The following PPP4R4 variants were observed in gnomAD, a reference collection of about 807,000 sequenced individuals.
The protein encoded by PPP4R4 is serine/threonine-protein phosphatase 4 regulatory subunit 4.
Under a neutral mutation model 121.8 loss-of-function variants are expected in PPP4R4, and 70 were observed. The observed-to-expected ratio is 0.57, with a 90% CI of 0.47 to 0.70. PPP4R4 has a LOEUF of 0.70. Ranked by LOEUF, PPP4R4 falls within the 30% of genes least tolerant of loss-of-function variation. The pLI is 0.00. For missense variants in PPP4R4, 875 were observed against 1,033.6 expected, an observed-to-expected ratio of 0.85 and a Z score of 2.10; for synonymous variants, 348 against 355.7, an observed-to-expected ratio of 0.98 and a Z score of 0.24.
chr14:94,222,575 C>CTTT (rs71129676), intron 3 of PPP4R4, among the ~76,000 whole-genome samples: 1 of 145,434 alleles, frequency 6.9e-6, no homozygotes, highest in Non-Finnish European at 1.5e-5. Context: ...CATTTGGAAT[C>CTTT]TTTTTTTTTT....
At chr14:94,242,160 A>C in intron 10 of PPP4R4, 129 bp from the exon 11 acceptor site, 4 of 1,295,974 alleles carry the variant, frequency 3.1e-6, no homozygotes, top group Non-Finnish European at 4.3e-6. Flanking sequence ...GGATCTTCCA[A>C]ATATGATTTT....
chr14:94,256,492 A>G lies in PPP4R4; in HGVS notation c.1898A>G (p.Lys633Arg). 1.2e-6 allele frequency: 2 copies of G among 1,603,224 alleles called. No individual in the cohort carries two copies. Among genetic ancestry groups the G allele is most frequent in the Non-Finnish European group, 1.7e-6 (2 of 1,171,492 alleles). ...MKLCYLLPKV[K>R]STLKIPADKH... The stretch of plus-strand genomic sequence containing the variant: ...CTTTGCTACCTGTTGCCCAAAGTGA[A>G]ATCTACTCTGAAGATTCCTGCTGAT... Residue 633 changes from lysine (K) to arginine (R), a missense_variant, in exon 17 of 25, where the codon AAA becomes AGA. Transcript: ENST00000304338.
At chr14:94,276,727 A>G (rs1338788864) in intron 24 of PPP4R4, among the ~76,000 whole-genome samples, 1 of 152,204 alleles carries the variant, frequency 6.6e-6, no homozygotes, top group African/African-American at 2.4e-5. Flanking sequence ...TTGGGCAGGG[A>G]CAAACATCCA....
chr14:94,275,560 T>C (rs979695750), intron 24 of PPP4R4, 39 bp downstream of exon 24: 2 of 1,604,298 alleles, frequency 1.2e-6, no homozygotes, highest in Non-Finnish European at 1.7e-6. Flanking sequence ...TGTATTATCC[T>C]CCTCTTTTGC....
chr14:94,263,582 T>C (rs1308421399), intron 19 of PPP4R4, among the ~76,000 whole-genome samples: 2 of 152,170 alleles, frequency 1.3e-5, no homozygotes, highest in Non-Finnish European at 1.5e-5. Context: ...TGGGAGAAAC[T>C]GTAGGGAAGA....
chr14:94,209,687 T>C (rs1043454802), intron 3 of PPP4R4, among the ~76,000 whole-genome samples: 1 of 152,096 alleles, frequency 6.6e-6, no homozygotes, highest in African/African-American at 2.4e-5. Flanking sequence ...ATTTCAGTGA[T>C]ACTAACTGAC....
At chr14:94,270,949 A>G (rs1440115105) in intron 23 of PPP4R4, among the ~76,000 whole-genome samples, 1 of 151,998 alleles carries the variant, frequency 6.6e-6, no homozygotes, top group Non-Finnish European at 1.5e-5. Context: ...AACAACAAAA[A>G]AAGACTCAAT....
chr14:94,241,231 G>A (rs560109813), intron 9 of PPP4R4, among the ~76,000 whole-genome samples: 7 of 152,114 alleles, frequency 4.6e-5, no homozygotes, highest in East Asian at 1.9e-4. Context: ...TTAGCTTTCC[G>A]TATCGATGTG....
intron 23 of PPP4R4, among the ~76,000 whole-genome samples, chr14:94,273,375 C>T (rs1389624651): frequency 3.3e-5 from 5 of 151,922 alleles, no homozygotes; most frequent in African/African-American, 4.8e-5. Flanking sequence ...AGAAGCAAAT[C>T]GAAACATTCC....
intron 13 of PPP4R4, 136 bp from the exon 14 acceptor site, chr14:94,246,220 CT>C (rs1892886559): frequency 1.5e-6 from 1 of 648,336 alleles, no homozygotes; most frequent in Non-Finnish European, 2.4e-6. Context: ...TAATTATCTC[CT>C]TGTGACAACT....
chr14:94,235,388 C>CTTTTTTTTTTTTGTTTTTTTT (rs1892281594), intron 7 of PPP4R4, among the ~76,000 whole-genome samples: 1 of 50,812 alleles, frequency 2.0e-5, no homozygotes, highest in African/African-American at 9.2e-5. Flanking sequence ...TCTCCTTGTT[C>CTTTTTTTTTTTTGTTTTTTTT]TTTTTTTTTT....
At chr14:94,189,576 T>G (rs1889483070) in intron 2 of PPP4R4, among the ~76,000 whole-genome samples, 1 of 152,208 alleles carries the variant, frequency 6.6e-6, no homozygotes, top group Non-Finnish European at 1.5e-5. Context: ...ATCATTTCCA[T>G]GGCATGATTT....
In PPP4R4 at chr14:94,204,617, G is replaced by A. The variant is rs114755017; in HGVS notation, c.192-3847G>A. Reference sequence around the variant, plus strand: ...AGAAAAAATATAATCTATGTCTCCCGAAATCTTGTTGGTATTTTGATAGGA... The same window carrying A: ...AGAAAAAATATAATCTATGTCTCCCAAAATCTTGTTGGTATTTTGATAGGA... On this transcript the variant is annotated intron_variant, in intron 2 of 24. Coordinates refer to ENST00000304338, the MANE Select transcript of PPP4R4 (RefSeq NM_058237.2). 8.3e-3 allele frequency among the ~76,000 whole-genome samples: 1,264 copies of A among 152,078 alleles called. 15 individuals are homozygous for A. The highest frequency in any genetic ancestry group is 0.029 in the African/African-American group (1,201 of 41,458).
intron 17 of PPP4R4, among the ~76,000 whole-genome samples, 189 bp downstream of exon 17, chr14:94,256,793 A>G (rs1037700383): frequency 1.3e-5 from 2 of 152,182 alleles, no homozygotes; most frequent in African/African-American, 2.4e-5. Flanking sequence ...AAGGGCACCT[A>G]GACATTAAAC....
rs745717281 is a variant in PPP4R4, at chr14:94,234,678, A to G, written c.731+9A>G. 1.0e-5 allele frequency: 16 copies of G among 1,528,244 alleles called. No individual in the cohort carries two copies. Among genetic ancestry groups the G allele is most frequent in the Admixed American group, 3.4e-5 (2 of 59,306 alleles). 94.7% of individuals were successfully genotyped at this position (1,528,244 alleles called of 1,614,324 possible). ...ATAGCCCAGGGCATTGGGTAGGTAT[A>G]CTTTGAATTCCTTATGCCATTTCCA... On this transcript the variant is annotated intron_variant, in intron 7 of 24. Coordinates refer to ENST00000304338, the MANE Select transcript of PPP4R4 (RefSeq NM_058237.2).
chr14:94,236,847 T>A (rs77612140), intron 7 of PPP4R4, among the ~76,000 whole-genome samples: 2,913 of 152,266 alleles, frequency 0.019, 90 homozygotes, highest in African/African-American at 0.066. Context: ...TTAATAACTT[T>A]CTTGGACTCT....
chr14:94,271,722 G>C (rs1894342626), intron 23 of PPP4R4, among the ~76,000 whole-genome samples: 1 of 152,112 alleles, frequency 6.6e-6, no homozygotes, highest in African/African-American at 2.4e-5. Flanking sequence ...CAGATAACAT[G>C]ATCATCTATG....
chr14:94,239,873 A>G lies in PPP4R4; in HGVS notation c.854-800A>G, dbSNP rs1892536127. On this transcript the variant is annotated intron_variant, in intron 8 of 24. Transcript: ENST00000304338. Reference sequence around the variant, plus strand: ...ATTTATTATTCATATTTCTACTTCTACTTAGTTACAAGGCTTGTTCTGTAA... The same window carrying G: ...ATTTATTATTCATATTTCTACTTCTGCTTAGTTACAAGGCTTGTTCTGTAA... 2.6e-5 allele frequency among the ~76,000 whole-genome samples: 4 copies of G among 152,118 alleles called. No individual in the cohort carries two copies. In the South Asian group the frequency reaches 8.3e-4, roughly 31 times the overall value.
chr14:94,268,290 C>T (rs1894147497), intron 23 of PPP4R4, among the ~76,000 whole-genome samples: 2 of 152,170 alleles, frequency 1.3e-5, no homozygotes, highest in South Asian at 4.1e-4. Context: ...TGGATCTCAC[C>T]TGTCCTCTTG....
Sources: gnomAD v4.1 joint callset for allele counts (sites outside exome capture counted in the v4.1 genomes callset) on GRCh38, gnomAD v4.1.1 for gene constraint, MANE v1.5 for transcripts, NCBI Gene and HGNC (gene_info 2026-07-23, HGNC 2026-07-21) for gene names.